ROR2: variants seen among roughly 807,000 people sequenced by gnomAD.
ROR2 encodes tyrosine-protein kinase transmembrane receptor ROR2.
A neutral mutation model predicts 74.9 loss-of-function variants in ROR2; 33 were observed. The ratio of observed to expected loss-of-function variants is 0.44; its 90% CI spans 0.33 to 0.59. The LOEUF is 0.59. Among genes scored for constraint, ROR2 ranks in the 20% least tolerant of loss-of-function variants. The pLI is 0.02. For synonymous variants in ROR2, 586 were observed against 558.7 expected, an observed-to-expected ratio of 1.05 and a Z score of -0.69; for missense variants, 1,216 against 1,313.8, an observed-to-expected ratio of 0.93 and a Z score of 1.15.
chr9:91,913,357 TCA>T (rs1008267023), intron 1 of ROR2, among the ~76,000 whole-genome samples: 3 of 152,166 alleles, frequency 2.0e-5, no homozygotes, highest in East Asian at 3.9e-4. Context: ...AATCACACTT[TCA>T]GTCTTTCCAA....
At chr9:91,915,639 T>TG (rs983144527) in intron 1 of ROR2, among the ~76,000 whole-genome samples, 2 of 126,772 alleles carry the variant, frequency 1.6e-5, no homozygotes, top group African/African-American at 6.0e-5. Context: ...GCTGCTGTCT[T>TG]GGGGGAGGTG....
intron 1 of ROR2, among the ~76,000 whole-genome samples, chr9:91,839,275 T>TGTGTGTGTAAGTACAGGC (rs1554681696): frequency 8.9e-5 from 13 of 145,968 alleles, no homozygotes; most frequent in African/African-American, 3.1e-4. Flanking sequence ...TGTGTGTGTG[T>TGTGTGTGTAAGTACAGGC]GTGTGTGTGT....
intron 1 of ROR2, among the ~76,000 whole-genome samples, chr9:91,903,168 G>T (rs968194601): frequency 2.0e-5 from 3 of 151,996 alleles, no homozygotes; most frequent in Non-Finnish European, 4.4e-5. Flanking sequence ...AAAAATACAT[G>T]TTCTCCCCTA....
At chr9:91,748,093 C>A (rs922999969) in intron 4 of ROR2, among the ~76,000 whole-genome samples, 3 of 152,160 alleles carry the variant, frequency 2.0e-5, no homozygotes, top group Non-Finnish European at 2.9e-5. Flanking sequence ...GAAACCCTGT[C>A]TCTACTAAAA....
At chr9:91,830,338 GTATGAAC>G (rs1333764890) in intron 1 of ROR2, among the ~76,000 whole-genome samples, 1 of 152,160 alleles carries the variant, frequency 6.6e-6, no homozygotes, top group Non-Finnish European at 1.5e-5. Context: ...AGATATGGTG[GTATGAAC>G]CTGTTAGTCC....
At chr9:91,838,242 T>A (rs564069125) in intron 1 of ROR2, among the ~76,000 whole-genome samples, 1 of 152,164 alleles carries the variant, frequency 6.6e-6, no homozygotes, top group African/African-American at 2.4e-5. Context: ...TATTAGCTTA[T>A]AAAAGCAAAT....
chr9:91,873,421 T>A (rs1829864285), intron 1 of ROR2, among the ~76,000 whole-genome samples: 1 of 152,030 alleles, frequency 6.6e-6, no homozygotes, highest in Non-Finnish European at 1.5e-5. Context: ...AAACCCCATC[T>A]GTACTAAAAA....
chr9:91,739,202 A>C (rs1351213744), intron 4 of ROR2, among the ~76,000 whole-genome samples: 2 of 152,108 alleles, frequency 1.3e-5, no homozygotes, highest in Non-Finnish European at 2.9e-5. Context: ...CCCCAAATGA[A>C]ATCTGAATTC....
In ROR2 at chr9:91,731,014, C is replaced by T. The variant is rs200058508; in HGVS notation, c.1079G>A (p.Gly360Glu). The T allele has an allele frequency of 2.5e-6, 4 of 1,614,174 alleles. No individual in the cohort carries two copies. The highest frequency in any genetic ancestry group is 4.5e-5 in the East Asian group (2 of 44,878). ...LSSTDFPELG[G>E]GHAYCRNPGG... is the part of the protein sequence containing the mutation. ...GGGGTTCCGGCAGTAGGCGTGCCCC[C>T]CTCCAAGCTCAGGGAAGTCTGTGCT... The change falls in exon 7 of 9, where the codon GGG (glycine) becomes GAG (glutamate). Residue 360 changes from glycine (G) to glutamate (E), a missense_variant. Gly to Glu is a moderately conservative substitution (Grantham distance 98). Coordinates refer to ENST00000375708, the MANE Select transcript of ROR2 (RefSeq NM_004560.4).
chr9:91,860,011 C>T (rs1829422435), intron 1 of ROR2, among the ~76,000 whole-genome samples: 1 of 152,138 alleles, frequency 6.6e-6, no homozygotes, highest in Non-Finnish European at 1.5e-5. Flanking sequence ...TAAGGGAGCT[C>T]GTCCTGAAAA....
At chr9:91,855,310 C>T (rs1334421104) in intron 1 of ROR2, among the ~76,000 whole-genome samples, 1 of 152,234 alleles carries the variant, frequency 6.6e-6, no homozygotes, top group African/African-American at 2.4e-5. Flanking sequence ...GGCCCTGCAA[C>T]TTTCCTCCCA....
intron 4 of ROR2, among the ~76,000 whole-genome samples, chr9:91,744,949 T>C (rs1160640671): frequency 6.6e-6 from 1 of 152,176 alleles, no homozygotes; most frequent in Non-Finnish European, 1.5e-5. Flanking sequence ...AGGCTCTCAC[T>C]GTGCATAATA....
chr9:91,887,279 A>G (rs1176445905), intron 1 of ROR2: 1 of 152,258 alleles, frequency 6.6e-6, no homozygotes, highest in Admixed American at 6.5e-5. Context: ...TGAACACACC[A>G]GGCCAAATGA....
chr9:91,836,857 C>A (rs1444001172), intron 1 of ROR2, among the ~76,000 whole-genome samples: 1 of 152,228 alleles, frequency 6.6e-6, no homozygotes, highest in African/African-American at 2.4e-5. Context: ...CAGGCAGGAA[C>A]CCCTCAAATC....
intron 1 of ROR2, among the ~76,000 whole-genome samples, chr9:91,896,614 A>C (rs745600274): frequency 2.0e-5 from 3 of 152,186 alleles, no homozygotes; most frequent in Non-Finnish European, 4.4e-5. Flanking sequence ...CTCACTGGAC[A>C]CCAAGAAATA....
At chr9:91,917,977 G>A (rs115844799) in intron 1 of ROR2, among the ~76,000 whole-genome samples, 2,695 of 152,294 alleles carry the variant, frequency 0.018, 91 homozygotes, top group African/African-American at 0.061. Flanking sequence ...CCCATTAGAA[G>A]CTGAAGGGCA....
chr9:91,927,588 CGG>C (rs1831443557), intron 1 of ROR2, among the ~76,000 whole-genome samples: 1 of 83,482 alleles, frequency 1.2e-5, no homozygotes, highest in Admixed American at 1.7e-4. Flanking sequence ...TTTTTTGAGA[CGG>C]AGTCTCTCTG....
At chr9:91,766,265 C>A (rs764980522) in intron 2 of ROR2, among the ~76,000 whole-genome samples, 2 of 152,188 alleles carry the variant, frequency 1.3e-5, no homozygotes, top group Non-Finnish European at 2.9e-5. Context: ...CAGATAAACT[C>A]TTTTTGAGGA....
At chr9:91,885,666 C>A (rs1830248593) in intron 1 of ROR2, among the ~76,000 whole-genome samples, 1 of 152,162 alleles carries the variant, frequency 6.6e-6, no homozygotes, top group Admixed American at 6.5e-5. Context: ...TCTACAAAAG[C>A]CCTGCCCCAA....
Sources: allele counts gnomAD v4.1 joint callset (sites outside exome capture counted in the v4.1 genomes callset), GRCh38; gene constraint gnomAD v4.1.1; transcripts MANE v1.5; gene names NCBI Gene and HGNC (gene_info 2026-07-23, HGNC 2026-07-21).